SLIT3: variants seen among roughly 807,000 people sequenced by gnomAD.
SLIT3 encodes slit homolog 3 protein.
In SLIT3, 68 loss-of-function variants were observed where a neutral mutation model predicts 184.0. The ratio of observed to expected loss-of-function variants is 0.37; its 90% CI spans 0.30 to 0.45. SLIT3 has a LOEUF of 0.45. Among genes scored for constraint, SLIT3 ranks in the 20% least tolerant of loss-of-function variants. The pLI is 1.00. For synonymous variants in SLIT3, 831 were observed against 828.6 expected (o/e 1.00, Z -0.05); for missense variants, 1,707 against 2,026.0 (o/e 0.84, Z 3.02).
At chr5:168,719,332 G>T (rs1012806662) in intron 23 of SLIT3, among the ~76,000 whole-genome samples, 13 of 152,218 alleles carry the variant, frequency 8.5e-5, no homozygotes, top group African/African-American at 2.9e-4. Context: ...GATTACAGGC[G>T]TGAGCCACCA....
chr5:169,034,923 G>T (rs1454936024), intron 4 of SLIT3, among the ~76,000 whole-genome samples: 1 of 139,854 alleles, frequency 7.2e-6, no homozygotes, highest in Non-Finnish European at 1.5e-5. Context: ...GTGTGTGTGT[G>T]TGTGTGTGTG....
At chr5:168,694,142 G>C (rs911659181) in intron 28 of SLIT3, among the ~76,000 whole-genome samples, 1 of 152,072 alleles carries the variant, frequency 6.6e-6, no homozygotes, top group Non-Finnish European at 1.5e-5. Context: ...CCTGGTCAAC[G>C]GCAGACACCA....
chr5:169,066,763 T>C (rs185150975), intron 4 of SLIT3, among the ~76,000 whole-genome samples: 2 of 152,278 alleles, frequency 1.3e-5, no homozygotes, highest in Admixed American at 1.3e-4. Context: ...GCTTACAATA[T>C]AATACAAGTC....
At chr5:169,279,638 A>G (rs546862042) in intron 1 of SLIT3, among the ~76,000 whole-genome samples, 1 of 152,352 alleles carries the variant, frequency 6.6e-6, no homozygotes, top group East Asian at 1.9e-4. Flanking sequence ...GCTATATAAA[A>G]GGATATCATA....
At chr5:169,297,493 A>G (rs778366426) in intron 1 of SLIT3, among the ~76,000 whole-genome samples, 2 of 152,144 alleles carry the variant, frequency 1.3e-5, no homozygotes, top group Non-Finnish European at 2.9e-5. Context: ...CACACACACA[A>G]ATCCCTTCAT....
chr5:169,129,150 T>C (rs1312013078), intron 4 of SLIT3, among the ~76,000 whole-genome samples: 1 of 152,174 alleles, frequency 6.6e-6, no homozygotes, highest in South Asian at 2.1e-4. Context: ...CGTCACTCCA[T>C]TGTTTCCCTG....
chr5:168,799,547 T>C (rs1756689176), intron 9 of SLIT3, among the ~76,000 whole-genome samples: 1 of 152,228 alleles, frequency 6.6e-6, no homozygotes, highest in Admixed American at 6.5e-5. Context: ...ATCTGTCATT[T>C]GCAAACATGT....
rs77210522 is a variant in SLIT3, at chr5:168,862,135, C to G, written c.486-17480G>C. 5.5e-3 allele frequency among the ~76,000 whole-genome samples: 835 copies of G among 152,164 alleles called. 7 individuals carry two copies. The highest frequency in any genetic ancestry group is 0.019 in the African/African-American group (771 of 41,508). On this transcript the variant is annotated intron_variant, in intron 5 of 35. Coordinates refer to ENST00000519560, the MANE Select transcript of SLIT3 (RefSeq NM_003062.4). Reference sequence around the variant, plus strand: ...ACCATGTTTAAGGCTAACACTGGGTCAAAGGAATCTCTCGAGATATTTAAG... The same window carrying G: ...ACCATGTTTAAGGCTAACACTGGGTGAAAGGAATCTCTCGAGATATTTAAG...
At chr5:168,856,958 G>GC (rs1412839904) in intron 5 of SLIT3, among the ~76,000 whole-genome samples, 2 of 152,048 alleles carry the variant, frequency 1.3e-5, no homozygotes, top group African/African-American at 4.8e-5. Context: ...CTACGGACGT[G>GC]CGACGGCTCC....
chr5:169,234,289 C>T (rs941161661), intron 3 of SLIT3, among the ~76,000 whole-genome samples: 4 of 152,136 alleles, frequency 2.6e-5, no homozygotes, highest in Non-Finnish European at 5.9e-5. Flanking sequence ...CACTTCTACT[C>T]TCATTCCACA....
chr5:169,286,473 C>T (rs928457131), intron 1 of SLIT3, among the ~76,000 whole-genome samples: 3 of 152,058 alleles, frequency 2.0e-5, no homozygotes, highest in African/African-American at 7.2e-5. Flanking sequence ...AGGTCTAAAC[C>T]CCAAATCCCA....
At chr5:168,930,563 C>T (rs928069586) in intron 4 of SLIT3, among the ~76,000 whole-genome samples, 9 of 152,048 alleles carry the variant, frequency 5.9e-5, no homozygotes, top group Non-Finnish European at 1.3e-4. Flanking sequence ...GGTGGGGAGG[C>T]TCTGAAGAGA....
At chr5:168,711,863 T>C (rs1477885672) in intron 24 of SLIT3, among the ~76,000 whole-genome samples, 5 of 152,126 alleles carry the variant, frequency 3.3e-5, no homozygotes, top group Non-Finnish European at 7.4e-5. Context: ...TGTTGCAGAG[T>C]GCAAAGTGGT....
intron 5 of SLIT3, among the ~76,000 whole-genome samples, chr5:168,864,163 C>G (rs1759217072): frequency 6.6e-6 from 1 of 152,104 alleles, no homozygotes; most frequent in Non-Finnish European, 1.5e-5. Flanking sequence ...TGAGCCACTG[C>G]ACTCCAGCCC....
chr5:169,033,699 G>A (rs1757124117), intron 4 of SLIT3, among the ~76,000 whole-genome samples: 1 of 151,946 alleles, frequency 6.6e-6, no homozygotes, highest in African/African-American at 2.4e-5. Flanking sequence ...ATGATGTTGA[G>A]CACCTTTTCA....
chr5:169,289,815 T>C (rs1182803684), intron 1 of SLIT3, among the ~76,000 whole-genome samples: 2 of 152,168 alleles, frequency 1.3e-5, no homozygotes, highest in African/African-American at 4.8e-5. Context: ...GGTCAAGTCA[T>C]AAAACTCCGA....
intron 1 of SLIT3, among the ~76,000 whole-genome samples, chr5:169,292,587 G>GA (rs1369721551): frequency 6.6e-6 from 1 of 151,948 alleles, no homozygotes; most frequent in Non-Finnish European, 1.5e-5. Context: ...GAAAGATTTT[G>GA]AAAAAAATGC....
chr5:168,895,538 G>A (rs774568898), intron 4 of SLIT3, among the ~76,000 whole-genome samples: 3 of 152,180 alleles, frequency 2.0e-5, no homozygotes, highest in African/African-American at 7.2e-5. Context: ...ACCAAAGCAG[G>A]AAAGCAATTC....
At chr5:168,671,794 C>A (rs1761257564) in intron 33 of SLIT3, among the ~76,000 whole-genome samples, 1 of 152,108 alleles carries the variant, frequency 6.6e-6, no homozygotes, top group Non-Finnish European at 1.5e-5. Context: ...CCCTATGATC[C>A]CACTGGCTGA....
Sources: gnomAD v4.1 joint callset for allele counts (sites outside exome capture counted in the v4.1 genomes callset) on GRCh38, gnomAD v4.1.1 for gene constraint, MANE v1.5 for transcripts, NCBI Gene and HGNC (gene_info 2026-07-23, HGNC 2026-07-21) for gene names.